GRIP1: variants seen among roughly 807,000 people sequenced by gnomAD.
The protein encoded by GRIP1 is glutamate receptor interacting protein 1.
GRIP1 carries 45 observed loss-of-function variants against 129.9 expected under a neutral mutation model. That is an observed-to-expected ratio of 0.35 (90% confidence interval 0.27 to 0.44). The LOEUF is 0.44. Ranked by LOEUF, GRIP1 falls within the 20% of genes least tolerant of loss-of-function variation. GRIP1 has a pLI of 1.00. For missense variants in GRIP1, 1,196 were observed against 1,396.8 expected (o/e 0.86, Z 2.29); for synonymous variants, 530 against 520.8 (o/e 1.02, Z -0.24).
intron 23 of GRIP1, among the ~76,000 whole-genome samples, chr12:66,355,085 C>A (rs2054416425): frequency 6.6e-6 from 1 of 152,170 alleles, no homozygotes; most frequent in Admixed American, 6.5e-5. Flanking sequence ...CTTTCAGTGT[C>A]CTCCTGGACA....
chr12:66,974,127 T>C (rs1475388115), intron 1 of GRIP1, among the ~76,000 whole-genome samples: 1 of 152,054 alleles, frequency 6.6e-6, no homozygotes, highest in African/African-American at 2.4e-5. Context: ...GTTTCTCATG[T>C]TGGCCAGGCT....
Position 66,392,461 on chromosome 12 carries a change from G to A in GRIP1, c.2311C>T (p.His771Tyr). 1.2e-6 allele frequency: 2 copies of A among 1,614,116 alleles called. No individual in the cohort carries two copies. Among genetic ancestry groups the A allele is most frequent in the Non-Finnish European group, 1.7e-6 (2 of 1,180,010 alleles). The change falls in exon 19 of 25, where the codon CAT becomes TAT. Residue 771 changes from histidine to tyrosine, a missense_variant. His to Tyr is a moderately conservative substitution (Grantham distance 83, BLOSUM62 2). Transcript: ENST00000359742. ...TCCACATCCCCCAGGTCACTCAAAT[G>A]GCTAGAAATAGGGAACTTCTTGGGG... is the stretch of plus-strand genomic sequence containing the variant. Reference protein sequence around the residue: ...SSPKKFPISSHLSDLGDVEED... With the variant: ...SSPKKFPISSYLSDLGDVEED...
chr12:66,794,630 C>T (rs186936652), intron 1 of GRIP1, among the ~76,000 whole-genome samples: 2 of 152,250 alleles, frequency 1.3e-5, no homozygotes, highest in Non-Finnish European at 1.5e-5. Flanking sequence ...TTGAGTTAGA[C>T]ATTTTCTCTC....
intron 1 of GRIP1, among the ~76,000 whole-genome samples, chr12:66,814,626 G>A (rs2039171140): frequency 6.8e-6 from 1 of 147,196 alleles, no homozygotes; most frequent in Non-Finnish European, 1.5e-5. Context: ...ATGTCTTAAT[G>A]AAGCTTACAT....
chr12:66,725,069 G>A (rs1052577070), intron 1 of GRIP1, among the ~76,000 whole-genome samples: 10 of 152,240 alleles, frequency 6.6e-5, no homozygotes, highest in Admixed American at 6.5e-4. Flanking sequence ...AGGCAGGTGG[G>A]TTACTTAAGC....
chr12:66,508,938 C>T (rs1454605036), intron 7 of GRIP1, among the ~76,000 whole-genome samples: 1 of 152,206 alleles, frequency 6.6e-6, no homozygotes, highest in African/African-American at 2.4e-5. Context: ...CAATCTTCTA[C>T]ATCTCTTGTC....
chr12:66,538,048 A>C (rs1479655602), intron 4 of GRIP1, among the ~76,000 whole-genome samples: 1 of 152,126 alleles, frequency 6.6e-6, no homozygotes, highest in African/African-American at 2.4e-5. Context: ...CCCTGTTTTA[A>C]ATTGTGTGCT....
intron 1 of GRIP1, among the ~76,000 whole-genome samples, chr12:66,997,850 G>GTA (rs2042492613): frequency 6.6e-6 from 1 of 152,076 alleles, no homozygotes; most frequent in Non-Finnish European, 1.5e-5. Flanking sequence ...GCCTCTAAAT[G>GTA]TATGCTTTTG....
Position 66,691,269 on chromosome 12 carries a change from C to T in GRIP1, c.-419-60933G>A, listed in dbSNP as rs137973374. Reference sequence around the variant, plus strand: ...CCTTCAGTCATTTGTATCTGTGGTCCTGGTGGAAGGCAAAAGCACAAACTA... The same window carrying T: ...CCTTCAGTCATTTGTATCTGTGGTCTTGGTGGAAGGCAAAAGCACAAACTA... On this transcript the variant is annotated intron_variant, in intron 1 of 4. Coordinates refer to the GRIP1 transcript ENST00000538373. Among the ~76,000 whole-genome samples, 29 of 152,204 alleles carry T rather than the reference C, an allele frequency of 1.9e-4. 1 individual carries two copies. Among genetic ancestry groups the T allele is most frequent in the East Asian group, 1.2e-3 (6 of 5,178 alleles).
chr12:66,488,289 C>A (rs893067606), intron 7 of GRIP1, among the ~76,000 whole-genome samples: 9 of 152,096 alleles, frequency 5.9e-5, no homozygotes. Flanking sequence ...CAGACCACAG[C>A]ACAATCAAAT....
chr12:66,943,597 A>G (rs964360275), intron 1 of GRIP1, among the ~76,000 whole-genome samples: 1 of 152,226 alleles, frequency 6.6e-6, no homozygotes, highest in Admixed American at 6.5e-5. Context: ...GCATGCCTCT[A>G]TTCAATTTTT....
At chr12:66,939,010 G>A (rs946386005) in intron 1 of GRIP1, among the ~76,000 whole-genome samples, 20 of 144,144 alleles carry the variant, frequency 1.4e-4, no homozygotes, top group Non-Finnish European at 2.2e-4. Context: ...CAGGTAAAGC[G>A]GCTGGAGGAA....
In GRIP1 at chr12:66,637,380, CT is replaced by C. The variant is rs530866678; in HGVS notation, c.56-40454del. Among the ~76,000 whole-genome samples the C allele has an allele frequency of 2.2e-4, 33 of 151,050 alleles. No individual in the cohort carries two copies. In the East Asian group the frequency reaches 6.4e-3, roughly 29 times the overall value. Reference sequence around the variant, plus strand: ...TGGGTGATGGGCATGTGAATGTCTTCTTTTGTCTTCTTTTTTAAAACATGTA... The same window carrying C: ...TGGGTGATGGGCATGTGAATGTCTTCTTTGTCTTCTTTTTTAAAACATGTA... On this transcript the variant is annotated intron_variant, in intron 1 of 24. Transcript: ENST00000359742.
At chr12:66,423,062 C>A (rs1184086644) in intron 14 of GRIP1, among the ~76,000 whole-genome samples, 1 of 152,148 alleles carries the variant, frequency 6.6e-6, no homozygotes, top group Non-Finnish European at 1.5e-5. Flanking sequence ...CCAACACTTA[C>A]AAATTAGTAG....
At position 66,793,539 on chromosome 12, in the gene GRIP1, C is replaced by T. The variant is rs140585301; in HGVS notation, c.-420+10514G>A. On this transcript the variant is annotated intron_variant, in intron 1 of 4. Coordinates refer to the GRIP1 transcript ENST00000538373. ...ATTGAATACAAAATAATTGAATGAA[C>T]GTACTGAGAAGAACATTCACCTCAT... Among the ~76,000 whole-genome samples, 8 of 152,290 alleles carry T rather than the reference C, an allele frequency of 5.3e-5. No homozygotes were observed. The South Asian group carries it at 6.2e-4, about 12-fold the overall frequency.
intron 1 of GRIP1, among the ~76,000 whole-genome samples, chr12:66,867,058 G>A (rs1016661110): frequency 3.3e-5 from 5 of 152,096 alleles, no homozygotes; most frequent in Middle Eastern, 6.8e-3. Context: ...GCACAATCTC[G>A]GCTCCCTGCA....
intron 1 of GRIP1, among the ~76,000 whole-genome samples, chr12:66,641,460 A>G (rs1327212627): frequency 6.6e-6 from 1 of 152,218 alleles, no homozygotes. Context: ...TTTCTACCCT[A>G]AAAGTCTAAA....
chr12:66,938,724 C>T (rs539107887), intron 1 of GRIP1, among the ~76,000 whole-genome samples: 4 of 152,110 alleles, frequency 2.6e-5, no homozygotes, highest in Admixed American at 1.3e-4. Flanking sequence ...TTTGGGAGGC[C>T]AAGGCGGGCA....
chr12:66,762,239 T>C (rs2037498057), intron 1 of GRIP1, among the ~76,000 whole-genome samples: 1 of 152,172 alleles, frequency 6.6e-6, no homozygotes, highest in Non-Finnish European at 1.5e-5. Flanking sequence ...ATAGTAAGTG[T>C]CAAGGAATAA....
Sources: gnomAD v4.1 joint callset for allele counts (sites outside exome capture counted in the v4.1 genomes callset) on GRCh38, gnomAD v4.1.1 for gene constraint, MANE v1.5 for transcripts, NCBI Gene and HGNC (gene_info 2026-07-23, HGNC 2026-07-21) for gene names.